The following C19orf44 variants were observed in gnomAD, a reference collection of about 807,000 sequenced individuals.
The protein encoded by C19orf44 is chromosome 19 open reading frame 44.
In C19orf44, 43 loss-of-function variants were observed where a neutral mutation model predicts 50.7. That is an observed-to-expected ratio of 0.85 (90% CI 0.66 to 1.09). C19orf44 has a LOEUF of 1.09. Ranked by LOEUF, C19orf44 falls within the 50% of genes least tolerant of loss-of-function variation. The pLI is 0.00. For missense variants in C19orf44, 722 were observed against 836.2 expected (o/e 0.86, Z 1.68); for synonymous variants, 298 against 334.7 (o/e 0.89, Z 1.20).
intron 2 of C19orf44, 65 bp downstream of exon 2, chr19:16,501,616 G>T: frequency 1.1e-5 from 13 of 1,175,982 alleles, no homozygotes; most frequent in Non-Finnish European, 1.3e-5. Flanking sequence ...TTTTGAGATG[G>T]AGTTTTGCTC....
Position 16,519,272 on chromosome 19 carries a change from A to G in C19orf44, c.*41-822A>G. ...ACGCCCACGCCTTTATACTGGTCCC[A>G]CTTATCCCGGACGTCCCCGCCCTTG... On this transcript the variant is annotated intron_variant, in intron 8 of 8. Coordinates refer to ENST00000221671, the MANE Select transcript of C19orf44 (RefSeq NM_032207.4). This position sits in a 1 kb window ranked among gnomAD's most constrained non-coding sequence, Gnocchi z 6.0. The G allele has an allele frequency of 6.2e-7, 1 of 1,613,972 alleles. No individual in the cohort carries two copies. The highest frequency in any genetic ancestry group is 8.5e-7 in the Non-Finnish European group (1 of 1,180,010).
At chr19:16,505,313 A>G (rs2093437689) in intron 3 of C19orf44, among the ~76,000 whole-genome samples, 1 of 151,008 alleles carries the variant, frequency 6.6e-6, no homozygotes, top group Admixed American at 6.6e-5. Context: ...TCCGAGATTC[A>G]AGCAATTCTT....
chr19:16,501,467 G>T lies in C19orf44; in HGVS notation c.675G>T (p.Leu225Phe), dbSNP rs751166122. The change falls in exon 2 of 9, where the codon TTG becomes TTT. Residue 225 changes from leucine to phenylalanine, a missense_variant. Physicochemically the swap from Leu to Phe is conservative, Grantham distance 22 (BLOSUM62 0). Coordinates refer to ENST00000221671, the MANE Select transcript of C19orf44 (RefSeq NM_032207.4). ...AAATGAAAGTATTGCTAGGAAGCTT[G>T]ATGGACTCTTCTAGAGAAAAAAACA... ...EEEMKVLLGS[L>F]MDSSREKNTN... is the part of the protein sequence containing the mutation. 3.1e-6 allele frequency: 5 copies of T among 1,612,914 alleles called. No individual in the cohort carries two copies. The highest frequency in any genetic ancestry group is 4.2e-6 in the Non-Finnish European group (5 of 1,179,624).
intron 1 of C19orf44, 35 bp from the exon 2 acceptor site, chr19:16,500,757 T>C (rs1281186367): frequency 6.5e-7 from 1 of 1,530,956 alleles, no homozygotes; most frequent in East Asian, 2.3e-5. Flanking sequence ...AAACAGCAGG[T>C]ACTCTTATGC....
chr19:16,515,000 G>A (rs780919825), intron 7 of C19orf44, among the ~76,000 whole-genome samples: 5 of 152,212 alleles, frequency 3.3e-5, no homozygotes, highest in African/African-American at 4.8e-5. Flanking sequence ...AGACATCCCC[G>A]AGATGGGGCC....
intron 1 of C19orf44, chr19:16,496,759 C>G (rs1363066700): frequency 6.5e-6 from 1 of 152,952 alleles, no homozygotes; most frequent in East Asian, 1.9e-4. Flanking sequence ...CACTTTTAAG[C>G]TGACGACTCC....
intron 7 of C19orf44, 99 bp downstream of exon 7, chr19:16,514,762 G>GC: frequency 6.0e-6 from 8 of 1,323,800 alleles, no homozygotes; most frequent in Non-Finnish European, 7.0e-6. Flanking sequence ...GGGCTCCAGC[G>GC]CTCAGCCCAG....
At chr19:16,507,649 C>A (rs2093444292) in intron 4 of C19orf44, among the ~76,000 whole-genome samples, 1 of 151,126 alleles carries the variant, frequency 6.6e-6, no homozygotes, top group Admixed American at 6.6e-5. Context: ...TGCCACCATG[C>A]CCAGCTAATT....
rs1280787735 is a variant in C19orf44 at position 16,509,507 on chromosome 19, T to G, written c.1158T>G (p.Ser386Arg). Residue 386 changes from serine (S) to arginine (R), a missense_variant, in exon 5 of 9, where the codon AGT (serine) becomes AGG (arginine). Physicochemically the swap from Ser to Arg is moderately radical, Grantham distance 110. Coordinates refer to ENST00000221671, the MANE Select transcript of C19orf44 (RefSeq NM_032207.4). ...ENSDLEQEEE[S>R]AQRQKTAGKI... ...GCCATTCTTCATTTTAGGAGGAAAG[T>G]GCTCAGAGACAAAAAACAGCTGGCA... is the stretch of plus-strand genomic sequence containing the variant. 6.5e-6 allele frequency: 10 copies of G among 1,538,240 alleles called. No individual in the cohort carries two copies. In the South Asian group the frequency reaches 1.2e-4, roughly 18 times the overall value.
intron 7 of C19orf44, among the ~76,000 whole-genome samples, chr19:16,515,715 C>T (rs752493692): frequency 5.9e-5 from 9 of 151,328 alleles, no homozygotes; most frequent in South Asian, 2.1e-4. Flanking sequence ...ATTACAGGTG[C>T]GAGCCACCAT....
Position 16,503,377 on chromosome 19 carries a change from G to A in C19orf44, c.1072G>A (p.Asp358Asn), listed in dbSNP as rs142233029. 64 of 1,607,520 alleles carry A rather than the reference G, an allele frequency of 4.0e-5. No individual in the cohort carries two copies. Among genetic ancestry groups the A allele is most frequent in the African/African-American group, 2.8e-4 (21 of 74,774 alleles). Reference sequence around the variant, plus strand: ...CTCAGAAGGTGCTGATGACAGCCTCGACGGTAATCCCAGTCCCGGTGCAAA... The same window carrying A: ...CTCAGAAGGTGCTGATGACAGCCTCAACGGTAATCCCAGTCCCGGTGCAAA... ...PVSEGADDSL[D>N]EFRINILSLD... is the part of the protein sequence containing the mutation. The change falls in exon 3 of 9, where the codon GAC becomes AAC. Residue 358 changes from aspartate to asparagine, a missense_variant. Coordinates refer to ENST00000221671, the MANE Select transcript of C19orf44 (RefSeq NM_032207.4).
intron 1 of C19orf44, chr19:16,496,756 A>C (rs1225344082): frequency 6.5e-6 from 1 of 152,948 alleles, no homozygotes; most frequent in Non-Finnish European, 1.5e-5. Flanking sequence ...CGCCACTTTT[A>C]AGCTGACGAC....
At position 16,519,356 on chromosome 19, in the gene C19orf44, G is replaced by C. The variant is rs778612091; in HGVS notation, c.*41-738G>C. 2.2e-5 allele frequency: 35 copies of C among 1,609,166 alleles called. No individual in the cohort carries two copies. Among genetic ancestry groups the C allele is most frequent in the Admixed American group, 5.1e-5 (3 of 58,934 alleles). On this transcript the variant is annotated intron_variant, in intron 8 of 8. Coordinates refer to ENST00000221671, the MANE Select transcript of C19orf44 (RefSeq NM_032207.4). This position sits in a 1 kb window ranked among gnomAD's most constrained non-coding sequence, Gnocchi z 6.0. ...AGGCCGCCTGAGCCGCTCCAGCCTG[G>C]AAACAGAGACGCAGTCACAACCACA...
At chr19:16,501,647 C>G (rs2093425888) in intron 2 of C19orf44, 96 bp downstream of exon 2, 2 of 917,592 alleles carry the variant, frequency 2.2e-6, no homozygotes, top group Non-Finnish European at 2.9e-6. Flanking sequence ...GGCTGGAGTG[C>G]AATGGCACGA....
chr19:16,502,920 G>A (rs1484027497), intron 2 of C19orf44, 145 bp from the exon 3 acceptor site: 3 of 689,018 alleles, frequency 4.4e-6, no homozygotes, highest in Non-Finnish European at 7.1e-6. Context: ...AGCCCAGGAT[G>A]TCGAGGCTAC....
intron 5 of C19orf44, 72 bp from the exon 6 acceptor site, chr19:16,512,942 G>A: frequency 8.1e-7 from 1 of 1,240,076 alleles, no homozygotes; most frequent in Non-Finnish European, 1.2e-6. Context: ...TTATTCCAGG[G>A]TCGTATCTGT....
At chr19:16,500,389 G>A (rs2093421629) in intron 1 of C19orf44, among the ~76,000 whole-genome samples, 2 of 142,900 alleles carry the variant, frequency 1.4e-5, no homozygotes, top group African/African-American at 5.2e-5. Context: ...GTTTCACTCT[G>A]TAGCCCAGGC....
rs1165874725 is a variant in C19orf44, at chr19:16,509,620, CT to C, written c.1272del (p.Ala425GlnfsTer37). The C allele has an allele frequency of 6.2e-7, 1 of 1,614,244 alleles. No individual in the cohort carries two copies. The highest frequency in any genetic ancestry group is 1.7e-5 in the Admixed American group (1 of 60,024). On this transcript the variant is annotated frameshift_variant, in exon 5 of 9. Transcript: ENST00000221671. LOFTEE classifies it high-confidence loss of function. ...TGGGCATCACAGGGAAAGGCCGCCT[CT>C]GCAGAGGGGGATGAGAGCGAGGTCT... ...RSWASQGKAA[S>X]AEGDESEVSE...
intron 4 of C19orf44, among the ~76,000 whole-genome samples, chr19:16,508,163 G>T (rs1047682617): frequency 1.3e-5 from 2 of 151,760 alleles, no homozygotes; most frequent in African/African-American, 4.8e-5. Context: ...GGACTACAGT[G>T]GCACAATCTC....
Sources: allele counts gnomAD v4.1 joint callset (sites outside exome capture counted in the v4.1 genomes callset), GRCh38; gene constraint gnomAD v4.1.1; non-coding constraint Gnocchi (gnomAD v3.1); transcripts MANE v1.5; gene names NCBI Gene and HGNC (gene_info 2026-07-23, HGNC 2026-07-21).